The following ST8SIA3 variants were observed in gnomAD, a reference collection of about 807,000 sequenced individuals.
ST8SIA3 encodes the protein ST8 alpha-N-acetyl-neuraminide alpha-2,8-sialyltransferase 3.
In ST8SIA3, 17 loss-of-function variants were observed where a neutral mutation model predicts 34.5. The observed-to-expected ratio is 0.49, with a 90% CI of 0.34 to 0.74. The LOEUF is 0.74. Among genes scored for constraint, ST8SIA3 ranks in the 30% least tolerant of loss-of-function variants. ST8SIA3 has a pLI of 0.01. For synonymous variants in ST8SIA3, 172 were observed against 176.1 expected (o/e 0.98, Z 0.19); for missense variants, 354 against 467.8 (o/e 0.76, Z 2.24).
chr18:57,360,354 C>G lies in ST8SIA3; in HGVS notation c.*77C>G. Reference sequence around the variant, plus strand: ...AATTGAATAGCCTTCAGAATAGAACCCTAGAGAATGTCTTATAAGGATTGT... The same window carrying G: ...AATTGAATAGCCTTCAGAATAGAACGCTAGAGAATGTCTTATAAGGATTGT... On this transcript the variant is annotated 3_prime_UTR_variant, in exon 4 of 4. Transcript: ENST00000324000. 7.4e-7 allele frequency: 1 copy of G among 1,350,998 alleles called. No homozygotes were observed. The highest frequency in any genetic ancestry group is 1.5e-5 in the African/African-American group (1 of 67,944). 83.7% of individuals were successfully genotyped at this position (1,350,998 alleles called of 1,614,324 possible). A position where few individuals can be genotyped will look rare whatever the true frequency, so the allele number is the denominator to read the frequency against.
intron 1 of ST8SIA3, 81 bp downstream of exon 1, chr18:57,353,106 T>G: frequency 1.4e-6 from 2 of 1,455,968 alleles, no homozygotes; most frequent in Non-Finnish European, 1.9e-6. Flanking sequence ...GGGGGAGGGG[T>G]GTTTTGGCCT....
Position 57,357,345 on chromosome 18 carries a change from C to A in ST8SIA3, c.735C>A (p.Ile245=), listed in dbSNP as rs1467849615. The change falls in exon 3 of 4, where the codon ATC becomes ATA. Residue 245 remains isoleucine, a synonymous_variant. Transcript: ENST00000324000. ...AGCTTGACGGGGCCATTCTTTGGAT[C>A]CCTGCATTTTTCTTCCACACTTCAG... ...LKKLDGAILW[I]PAFFFHTSAT... The A allele has an allele frequency of 6.2e-7, 1 of 1,613,544 alleles. No homozygotes were observed. Among genetic ancestry groups the A allele is most frequent in the South Asian group, 1.1e-5 (1 of 91,074 alleles).
rs2049800877 is a variant in ST8SIA3, at chr18:57,356,930, A to G, written c.320A>G (p.His107Arg). Residue 107 changes from histidine (H) to arginine (R), a missense_variant, in exon 3 of 4, where the codon CAT becomes CGT. Physicochemically the swap from His to Arg is conservative, Grantham distance 29. Coordinates refer to ENST00000324000, the MANE Select transcript of ST8SIA3 (RefSeq NM_015879.3). ...FLHQRQEILQ[H>R]VDVIKNFSLT... Reference sequence around the variant, plus strand: ...TATTTTAGGCAAGAAATTCTTCAGCATGTCGATGTAATAAAAAATTTTTCT... The same window carrying G: ...TATTTTAGGCAAGAAATTCTTCAGCGTGTCGATGTAATAAAAAATTTTTCT... 1 of 1,596,332 alleles carries G rather than the reference A, an allele frequency of 6.3e-7. No individual in the cohort carries two copies. The highest frequency in any genetic ancestry group is 8.5e-7 in the Non-Finnish European group (1 of 1,170,096).
At chr18:57,353,156 C>T (rs2049775144) in intron 1 of ST8SIA3, 131 bp downstream of exon 1, 1 of 827,852 alleles carries the variant, frequency 1.2e-6, no homozygotes, top group Non-Finnish European at 1.9e-6. Flanking sequence ...GCGGTCCTTC[C>T]ACTCCTCTCT....
At chr18:57,354,545 C>A in intron 2 of ST8SIA3, 21 bp downstream of exon 2, 1 of 1,612,646 alleles carries the variant, frequency 6.2e-7, no homozygotes, top group South Asian at 1.1e-5. Flanking sequence ...AGGAAAAGAT[C>A]CAAAAGGTGC....
At position 57,363,989 on chromosome 18, in the gene ST8SIA3, CATAAA is replaced by C; in HGVS notation, c.*3717_*3721del. 1 of 152,122 alleles carries C rather than the reference CATAAA, an allele frequency of 6.6e-6. No homozygotes were observed. The highest frequency in any genetic ancestry group is 6.5e-5 in the Admixed American group (1 of 15,282). The allele number at this position is 152,122 out of a possible 1,614,324, so 9.4% of individuals were successfully genotyped here. A position where few individuals can be genotyped will look rare whatever the true frequency, so the allele number is the denominator to read the frequency against. ...TTTTTGGTCTGGGATCTGCAGAGCA[CATAAA>C]ATAAGTTAGAAAGTCTATAAAAGAG... On this transcript the variant is annotated 3_prime_UTR_variant, in exon 4 of 4. Coordinates refer to ENST00000324000, the MANE Select transcript of ST8SIA3 (RefSeq NM_015879.3).
intron 1 of ST8SIA3, 103 bp from the exon 2 acceptor site, chr18:57,354,299 A>G (rs2049785359): frequency 2.0e-6 from 3 of 1,471,996 alleles, no homozygotes; most frequent in Admixed American, 1.8e-5. Context: ...CGGAGCCCGC[A>G]CGCGTACCAG....
rs1033689585 is a variant in ST8SIA3 at position 57,365,261 on chromosome 18, T to C, written c.*4984T>C. On this transcript the variant is annotated 3_prime_UTR_variant, in exon 4 of 4. Transcript: ENST00000324000. ...TTTGAACAAAGTAGCTAAATGCTTATCTCTCCTTGTGCGATTAGTTTCACA... is the reference window on the plus strand; with the variant it reads ...TTTGAACAAAGTAGCTAAATGCTTACCTCTCCTTGTGCGATTAGTTTCACA... 1 of 152,244 alleles carries C rather than the reference T, an allele frequency of 6.6e-6. No homozygotes were observed. Among genetic ancestry groups the C allele is most frequent in the African/African-American group, 2.4e-5 (1 of 41,468 alleles). The allele number at this position is 152,244 out of a possible 1,614,324, so 9.4% of individuals were successfully genotyped here. A position where few individuals can be genotyped will look rare whatever the true frequency, so the allele number is the denominator to read the frequency against.
Position 57,360,295 on chromosome 18 carries a change from C to A in ST8SIA3, c.*18C>A, listed in dbSNP as rs739692. ...GTGCCTAAGAACTCCAAACGGAAAG[C>A]GCCAAATGGCTGTTTAAAAAGTGCC... On this transcript the variant is annotated 3_prime_UTR_variant, in exon 4 of 4. Coordinates refer to ENST00000324000, the MANE Select transcript of ST8SIA3 (RefSeq NM_015879.3). 2 of 1,603,770 alleles carry A rather than the reference C, an allele frequency of 1.2e-6. No homozygotes were observed. Among genetic ancestry groups the A allele is most frequent in the Non-Finnish European group, 8.5e-7 (1 of 1,173,146 alleles).
Position 57,356,827 on chromosome 18 carries a change from T to C in ST8SIA3, c.303-86T>C. The C allele has an allele frequency of 3.4e-6, 3 of 885,186 alleles. No homozygotes were observed. In the South Asian group the frequency reaches 5.3e-5, roughly 16 times the overall value. 54.8% of individuals were successfully genotyped at this position (885,186 alleles called of 1,614,324 possible). ...TGGATTCAATGAGCCTAAGATTCCCTCTGAATGAAATGTCAGCATAAGTCA... is the reference window on the plus strand; with the variant it reads ...TGGATTCAATGAGCCTAAGATTCCCCCTGAATGAAATGTCAGCATAAGTCA... On this transcript the variant is annotated intron_variant, in intron 2 of 3. Transcript: ENST00000324000.
At position 57,361,715 on chromosome 18, in the gene ST8SIA3, C is replaced by T. The variant is rs1177260024; in HGVS notation, c.*1438C>T. The T allele has an allele frequency of 6.6e-6, 1 of 152,626 alleles. No homozygotes were observed. Among genetic ancestry groups the T allele is most frequent in the East Asian group, 1.9e-4 (1 of 5,200 alleles). The allele number at this position is 152,626 out of a possible 1,614,324, so 9.5% of individuals were successfully genotyped here. ...ACTTTGTTCTTCCAATTCAGCCCAA[C>T]GTCTGGCCAAGTTGATGTTAAATTT... On this transcript the variant is annotated 3_prime_UTR_variant, in exon 4 of 4. Coordinates refer to ENST00000324000, the MANE Select transcript of ST8SIA3 (RefSeq NM_015879.3).
rs999630049 is a variant in ST8SIA3 at position 57,366,583 on chromosome 18, G to C, written c.*6306G>C. The C allele has an allele frequency of 2.6e-5, 4 of 152,146 alleles. No homozygotes were observed. The highest frequency in any genetic ancestry group is 7.2e-5 in the African/African-American group (3 of 41,428). The allele number at this position is 152,146 out of a possible 1,614,324, so 9.4% of individuals were successfully genotyped here. A position where few individuals can be genotyped will look rare whatever the true frequency, so the allele number is the denominator to read the frequency against. On this transcript the variant is annotated 3_prime_UTR_variant, in exon 4 of 4. Coordinates refer to ENST00000324000, the MANE Select transcript of ST8SIA3 (RefSeq NM_015879.3). ...TACCCACAAAACAGTGCCTGCAAAG[G>C]AGCAGGGGAAGAACAAGGCACCCAG...
Position 57,357,427 on chromosome 18 carries a change from G to A in ST8SIA3, c.817G>A (p.Val273Ile), listed in dbSNP as rs768481003. 6.2e-7 allele frequency: 1 copy of A among 1,612,820 alleles called. No individual in the cohort carries two copies. Among genetic ancestry groups the A allele is most frequent in the East Asian group, 2.2e-5 (1 of 44,886 alleles). ...FFVEHRGQLK[V>I]QLAWPGNIMQ... is the part of the protein sequence containing the mutation. ...TGTTGAACACAGAGGTCAGTTAAAAGTCCAACTGGCTTGGCCGGGAAATAT... is the reference window on the plus strand; with the variant it reads ...TGTTGAACACAGAGGTCAGTTAAAAATCCAACTGGCTTGGCCGGGAAATAT... Residue 273 changes from valine (V) to isoleucine (I), a missense_variant, in exon 3 of 4, where the codon GTC becomes ATC. Val to Ile is a conservative substitution (Grantham distance 29). Transcript: ENST00000324000.
chr18:57,356,039 A>G (rs1191718876), intron 2 of ST8SIA3, among the ~76,000 whole-genome samples: 3 of 152,196 alleles, frequency 2.0e-5, no homozygotes, highest in African/African-American at 7.2e-5. Context: ...CACTGGGTTT[A>G]CTTAACATCG....
At chr18:57,353,569 T>TC (rs1334764992) in intron 1 of ST8SIA3, among the ~76,000 whole-genome samples, 3 of 152,042 alleles carry the variant, frequency 2.0e-5, no homozygotes, top group East Asian at 3.9e-4. Flanking sequence ...CTCAACCCTT[T>TC]CCCCCGCAGC....
intron 2 of ST8SIA3, among the ~76,000 whole-genome samples, chr18:57,355,601 G>GT (rs914286401): frequency 3.3e-5 from 5 of 152,038 alleles, no homozygotes; most frequent in African/African-American, 9.7e-5. Context: ...CTCTAGAAGT[G>GT]TTTTTTTAAT....
Position 57,354,414 on chromosome 18 carries a change from G to C in ST8SIA3, c.192G>C (p.Ala64=), listed in dbSNP as rs563904315. The stretch of plus-strand genomic sequence containing the variant: ...TGCTCCTCTCCAGGTCACAATTTGC[G>C]CTGAAGTTTCTAGACCCGTCATTCG... ...MFHAGFRSQF[A]LKFLDPSFVP... is the part of the protein sequence containing the mutation. The change falls in exon 2 of 4, where the codon GCG becomes GCC. Residue 64 remains alanine, a synonymous_variant. Coordinates refer to ENST00000324000, the MANE Select transcript of ST8SIA3 (RefSeq NM_015879.3). 2.5e-6 allele frequency: 4 copies of C among 1,614,058 alleles called. No homozygotes were observed. The highest frequency in any genetic ancestry group is 1.7e-5 in the Admixed American group (1 of 60,016).
intron 2 of ST8SIA3, among the ~76,000 whole-genome samples, chr18:57,355,261 A>G (rs1350185763): frequency 2.0e-5 from 3 of 152,220 alleles, no homozygotes; most frequent in African/African-American, 7.2e-5. Flanking sequence ...GCAAACCACG[A>G]TAACTCATTA....
At chr18:57,357,513 G>T in intron 3 of ST8SIA3, 43 bp downstream of exon 3, 1 of 1,467,960 alleles carries the variant, frequency 6.8e-7, no homozygotes. Flanking sequence ...CCACCAGATG[G>T]CAAATCAATG....
Sources: allele counts gnomAD v4.1 joint callset (sites outside exome capture counted in the v4.1 genomes callset), GRCh38; gene constraint gnomAD v4.1.1; transcripts MANE v1.5; gene names NCBI Gene and HGNC (gene_info 2026-07-23, HGNC 2026-07-21).